The following FRMPD4 variants were observed in gnomAD, a reference collection of about 807,000 sequenced individuals.
FRMPD4 encodes FERM and PDZ domain containing 4.
Under a neutral mutation model 94.1 loss-of-function variants are expected in FRMPD4, and 22 were observed. That is an observed-to-expected ratio of 0.23 (90% confidence interval 0.17 to 0.33). FRMPD4 has a LOEUF of 0.33. FRMPD4 is among the 10% of genes least tolerant of loss of function. FRMPD4 has a pLI of 1.00. For synonymous variants in FRMPD4, 631 were observed against 548.6 expected (o/e 1.15, Z -2.10); for missense variants, 1,111 against 1,339.9 (o/e 0.83, Z 2.67).
intron 1 of FRMPD4, among the ~76,000 whole-genome samples, chrX:12,416,904 A>T (rs909653992): frequency 1.3e-4 from 14 of 111,685 alleles, no homozygotes; most frequent in African/African-American, 4.5e-4. Context: ...CCAGAAAAAA[A>T]ATTTTAGAAG....
intron 1 of FRMPD4, among the ~76,000 whole-genome samples, chrX:12,170,623 A>G (rs1259009953): frequency 8.9e-6 from 1 of 112,745 alleles, no homozygotes; most frequent in East Asian, 2.8e-4. Context: ...CTTCATGGAA[A>G]CATTCTTCAT....
At chrX:12,249,428 C>T (rs141601843) in intron 1 of FRMPD4, among the ~76,000 whole-genome samples, 1,112 of 111,178 alleles carry the variant, frequency 0.01, 11 homozygotes, top group African/African-American at 0.035. Context: ...GTGGACAAAG[C>T]TAGCTAACAC....
chrX:12,565,467 ATCACCTCTGTGATAT>A (rs1311099920), intron 2 of FRMPD4, among the ~76,000 whole-genome samples: 1 of 112,536 alleles, frequency 8.9e-6, no homozygotes, highest in Non-Finnish European at 1.9e-5. Context: ...AGAAGGGCAC[ATCACCTCTGTGATAT>A]TCTTTACAAA....
intron 1 of FRMPD4, among the ~76,000 whole-genome samples, chrX:12,304,930 G>C (rs1161136488): frequency 5.4e-5 from 6 of 111,738 alleles, no homozygotes; most frequent in Non-Finnish European, 1.1e-4. Context: ...TTGCAGATCA[G>C]ATCTTACTCT....
Position 12,266,410 on chromosome X carries a change from G to T in FRMPD4, c.41+127398G>T, listed in dbSNP as rs762771855. 2.7e-5 allele frequency among the ~76,000 whole-genome samples: 3 copies of T among 111,196 alleles called. No homozygotes were observed. In the East Asian group the frequency reaches 8.4e-4, roughly 31 times the overall value. ...TTTTCCTTATGATTCTTATCCTTCT[G>T]CTGGGACCAGTGGGTCAGTGTAGAC... On this transcript the variant is annotated intron_variant, in intron 1 of 16. Coordinates refer to ENST00000675598, the MANE Select transcript of FRMPD4 (RefSeq NM_001368397.1).
intron 1 of FRMPD4, among the ~76,000 whole-genome samples, chrX:12,453,255 C>G (rs1265417595): frequency 9.0e-6 from 1 of 111,414 alleles, no homozygotes; most frequent in Admixed American, 9.6e-5. Context: ...GTACGATGTT[C>G]TGCTTCTTGA....
chrX:12,454,815 G>GTT (rs11443822), intron 1 of FRMPD4, among the ~76,000 whole-genome samples: 36,640 of 92,310 alleles, frequency 0.4, 7,105 homozygotes, highest in South Asian at 0.66. Flanking sequence ...AGAAAGCCAC[G>GTT]TTTTTTTTTT....
At chrX:12,646,142 C>T (rs185222063) in intron 4 of FRMPD4, among the ~76,000 whole-genome samples, 13 of 112,487 alleles carry the variant, frequency 1.2e-4, no homozygotes, top group African/African-American at 4.2e-4. Context: ...TCCTTTGTTT[C>T]TAACCCCAAT....
chrX:12,556,672 T>TA (rs1370958760), intron 2 of FRMPD4, among the ~76,000 whole-genome samples: 1 of 111,879 alleles, frequency 8.9e-6, no homozygotes, highest in Non-Finnish European at 1.9e-5. Context: ...GGTCATTTGT[T>TA]ACAGCAGCAA....
chrX:11,967,825 T>A (rs1305613983), intron 3 of FRMPD4, among the ~76,000 whole-genome samples: 2 of 104,784 alleles, frequency 1.9e-5, no homozygotes, highest in African/African-American at 3.5e-5. Context: ...TCATTACAGA[T>A]GTTATTGGCA....
At chrX:12,193,726 G>C (rs1456879472) in intron 1 of FRMPD4, among the ~76,000 whole-genome samples, 1 of 91,972 alleles carries the variant, frequency 1.1e-5, no homozygotes, top group African/African-American at 4.0e-5. Context: ...TTAGTCTTAT[G>C]AGGTCTGTGA....
At chrX:12,417,713 T>G (rs2056823570) in intron 1 of FRMPD4, among the ~76,000 whole-genome samples, 1 of 109,897 alleles carries the variant, frequency 9.1e-6, no homozygotes, top group Non-Finnish European at 1.9e-5. Flanking sequence ...TTTATTCATT[T>G]AAAAACATTG....
intron 1 of FRMPD4, among the ~76,000 whole-genome samples, chrX:12,224,363 C>T (rs1002922173): frequency 9.0e-6 from 1 of 110,644 alleles, no homozygotes; most frequent in Non-Finnish European, 1.9e-5. Context: ...GATCCTCCCA[C>T]TTGAGCCTCC....
At chrX:12,054,775 A>G (rs2054844375) in intron 3 of FRMPD4, 1 of 112,179 alleles carries the variant, frequency 8.9e-6, no homozygotes, top group Non-Finnish European at 1.9e-5. Context: ...AAGGAAGTGT[A>G]TATCAATTTT....
intron 3 of FRMPD4, among the ~76,000 whole-genome samples, chrX:11,982,756 T>C (rs751734081): frequency 3.2e-4 from 36 of 112,100 alleles, no homozygotes; most frequent in Admixed American, 5.7e-4. Context: ...AAGATTGTTT[T>C]TCAAATCTGT....
At chrX:12,276,978 G>C (rs927482816) in intron 1 of FRMPD4, among the ~76,000 whole-genome samples, 1 of 106,752 alleles carries the variant, frequency 9.4e-6, no homozygotes, top group Non-Finnish European at 1.9e-5. Context: ...AAAATTAGCC[G>C]GGCGTAGTGG....
chrX:12,221,325 T>C (rs2056864508), intron 1 of FRMPD4, among the ~76,000 whole-genome samples: 1 of 112,362 alleles, frequency 8.9e-6, no homozygotes, highest in Admixed American at 9.5e-5. Flanking sequence ...CATTAACTAA[T>C]GCAATACTGC....
At chrX:12,631,330 T>C (rs767074212) in intron 4 of FRMPD4, among the ~76,000 whole-genome samples, 7 of 112,360 alleles carry the variant, frequency 6.2e-5, no homozygotes, top group Non-Finnish European at 1.1e-4. Flanking sequence ...TAAAAGGGAA[T>C]TTAATACTAC....
At chrX:11,947,401 T>C (rs1349068880) in intron 3 of FRMPD4, among the ~76,000 whole-genome samples, 1 of 112,144 alleles carries the variant, frequency 8.9e-6, no homozygotes, top group Non-Finnish European at 1.9e-5. Flanking sequence ...TGGATTGAGC[T>C]CTTGGAAGTC....
Sources: allele counts gnomAD v4.1 joint callset (sites outside exome capture counted in the v4.1 genomes callset), GRCh38; gene constraint gnomAD v4.1.1; transcripts MANE v1.5; gene names NCBI Gene and HGNC (gene_info 2026-07-23, HGNC 2026-07-21).